TNXB: variants seen among roughly 807,000 people sequenced by gnomAD.
TNXB encodes the protein tenascin XB, also known as tenascin-X.
TNXB carries 183 observed loss-of-function variants against 340.5 expected under a neutral mutation model. The observed-to-expected ratio is 0.54, with a 90% confidence interval of 0.48 to 0.61. The LOEUF (loss-of-function observed/expected upper bound fraction) is 0.61, where lower values mean the gene tolerates loss of function less well. Ranked by LOEUF, TNXB falls within the 20% of genes least tolerant of loss-of-function variation. The pLI, the probability that TNXB is intolerant of heterozygous loss-of-function variation, is 0.00. For missense variants in TNXB, 4,613 were observed against 5,446.4 expected (o/e 0.85, Z 4.82); for synonymous variants, 2,121 against 2,314.5 (o/e 0.92, Z 2.40).
rs531109815 is a variant in TNXB at position 32,064,947 on chromosome 6, G to T, written c.6715C>A (p.Arg2239=). ...KNGDGQPKAV[R]VPGHEDGVTI... ...ACCCCATCCTCGTGTCCCGGCACCC[G>T]CACCGCCTTGGGCTGCCCGTCCCCA... The change falls in exon 19 of 44, where the codon CGG becomes AGG. Residue 2239 remains arginine (R), a synonymous_variant. Transcript: ENST00000644971. The surrounding 1 kb of genome is among the most constrained non-coding windows in gnomAD (Gnocchi z 5.3). 1.2e-5 allele frequency: 19 copies of T among 1,612,718 alleles called. No homozygotes were observed. Among genetic ancestry groups the T allele is most frequent in the Non-Finnish European group, 8.5e-6 (10 of 1,179,836 alleles).
chr6:32,046,383 G>T lies in TNXB; in HGVS notation c.10398C>A (p.Arg3466=). The T allele has an allele frequency of 1.9e-6, 3 of 1,593,578 alleles. No homozygotes were observed. Among genetic ancestry groups the T allele is most frequent in the Non-Finnish European group, 2.6e-6 (3 of 1,167,820 alleles). The part of the protein sequence containing the change: ...TVAEETSSSL[R]LSWTVAQGPF... The stretch of plus-strand genomic sequence containing the variant: ...GGCCCTGGGCTACCGTCCAGGACAG[G>T]CGCAGAGAGCTGGAGGTCTCCTCAG... The change falls in exon 31 of 44, where the codon CGC becomes CGA. Residue 3466 remains arginine (R), a synonymous_variant. Transcript: ENST00000644971. The surrounding 1 kb of genome is among the most constrained non-coding windows in gnomAD (Gnocchi z 6.9).
intron 29 of TNXB, 25 bp from the exon 30 acceptor site, chr6:32,048,037 G>A (rs1328622665): frequency 6.3e-7 from 1 of 1,594,928 alleles, no homozygotes; most frequent in Admixed American, 1.7e-5. Context: ...GAGGTGCATG[G>A]AGAGTGGGAT....
chr6:32,088,679 G>A, intron 6 of TNXB, 106 bp downstream of exon 6: 2 of 1,460,202 alleles, frequency 1.4e-6, no homozygotes, highest in Non-Finnish European at 1.8e-6. Context: ...CCACACACCT[G>A]CCAGAAGCAT....
rs977732852 is a variant in TNXB at position 32,068,721 on chromosome 6, T to A, written c.5903-14A>T. Reference sequence around the variant, plus strand: ...CCTCCTCCGGGACTGGACAGAGACATGGAAAGAGAGGACTGAGGTGGGCAG... The same window carrying A: ...CCTCCTCCGGGACTGGACAGAGACAAGGAAAGAGAGGACTGAGGTGGGCAG... On this transcript the variant is annotated splice_polypyrimidine_tract_variant and intron_variant, in intron 16 of 43. Coordinates refer to ENST00000644971, the MANE Select transcript of TNXB (RefSeq NM_001365276.2). The surrounding 1 kb of genome is among the most constrained non-coding windows in gnomAD (Gnocchi z 5.3). The A allele has an allele frequency of 2.5e-6, 4 of 1,609,402 alleles. No homozygotes were observed. Among genetic ancestry groups the A allele is most frequent in the Non-Finnish European group, 3.4e-6 (4 of 1,176,786 alleles).
In TNXB at chr6:32,075,365, C is replaced by A. The variant is rs566790967; in HGVS notation, c.4376-1413G>T. On this transcript the variant is annotated intron_variant, in intron 11 of 43. Transcript: ENST00000644971. This position sits in a 1 kb window ranked among gnomAD's most constrained non-coding sequence, Gnocchi z 4.6. ...TGCCTGCCCTCCTCCAACTCCACCA[C>A]AAAACATACTGCATTCCTCACTGTC... Among the ~76,000 whole-genome samples the A allele has an allele frequency of 6.6e-6, 1 of 152,344 alleles. No individual in the cohort carries two copies. Among genetic ancestry groups the A allele is most frequent in the South Asian group, 2.1e-4 (1 of 4,828 alleles).
In TNXB at chr6:32,068,752, C is replaced by G; in HGVS notation, c.5903-45G>C. ...GAGAGGACTGAGGTGGGCAGGGTAT[C>G]CGCGGGACTCTGCTGTCCTCTGGAC... On this transcript the variant is annotated intron_variant, in intron 16 of 43. Transcript: ENST00000644971. The surrounding 1 kb of genome is among the most constrained non-coding windows in gnomAD (Gnocchi z 5.3). 1 of 1,598,230 alleles carries G rather than the reference C, an allele frequency of 6.3e-7. No homozygotes were observed. Among genetic ancestry groups the G allele is most frequent in the Non-Finnish European group, 8.5e-7 (1 of 1,170,488 alleles).
rs1776648678 is a variant in TNXB at position 32,043,991 on chromosome 6, A to C, written c.11386+16T>G. Reference sequence around the variant, plus strand: ...AGAGGAAATGCGAGGCGATGAGCACATGGCAAAGGCACCACCTCCGTCCGC... The same window carrying C: ...AGAGGAAATGCGAGGCGATGAGCACCTGGCAAAGGCACCACCTCCGTCCGC... On this transcript the variant is annotated intron_variant, in intron 34 of 43. Transcript: ENST00000644971. The C allele has an allele frequency of 6.2e-7, 1 of 1,603,642 alleles. No individual in the cohort carries two copies. Among genetic ancestry groups the C allele is most frequent in the Non-Finnish European group, 8.5e-7 (1 of 1,175,776 alleles).
In TNXB at chr6:32,095,174, C is replaced by T. The variant is rs1562872430; in HGVS notation, c.2260G>A (p.Gly754Ser). 4 of 1,549,854 alleles carry T rather than the reference C, an allele frequency of 2.6e-6. No homozygotes were observed. The highest frequency in any genetic ancestry group is 3.5e-6 in the Non-Finnish European group (4 of 1,146,224). ...DCGEEVPTIE[G>S]MRMHLLEETT... ...TCCTCCAAGAGATGCATCCTCATGC[C>T]CTCAATGGTTGGCACCTCTGCCCAA... Residue 754 changes from glycine (G) to serine (S), a missense_variant, in exon 4 of 44, where the codon GGC becomes AGC. Physicochemically the swap from Gly to Ser is moderately conservative, Grantham distance 56 (BLOSUM62 0). Transcript: ENST00000644971.
rs1778964458 is a variant in TNXB at position 32,074,392 on chromosome 6, C to G, written c.4376-440G>C. The stretch of plus-strand genomic sequence containing the variant: ...AAAGCGCATTGATCTGAACATCTGT[C>G]TGGTCAACAGTCCTTCACTAGGTCC... On this transcript the variant is annotated intron_variant, in intron 11 of 43. Coordinates refer to ENST00000644971, the MANE Select transcript of TNXB (RefSeq NM_001365276.2). This position sits in a 1 kb window ranked among gnomAD's most constrained non-coding sequence, Gnocchi z 5.5. 6.6e-6 allele frequency among the ~76,000 whole-genome samples: 1 copy of G among 152,218 alleles called. No homozygotes were observed. The highest frequency in any genetic ancestry group is 6.5e-5 in the Admixed American group (1 of 15,276).
Position 32,085,853 on chromosome 6 carries a change from A to G in TNXB, c.3045T>C (p.Ala1015=). The G allele has an allele frequency of 6.8e-6, 11 of 1,608,196 alleles. No homozygotes were observed. The highest frequency in any genetic ancestry group is 9.3e-6 in the Non-Finnish European group (11 of 1,178,340). ...TTCCAGGAGGGGGTGGAGGCACCAG[A>G]GCCTGGCGGACGTCCCCTGGCAGCA... ...EEVLPGDVRQ[A]LVPPPPPGTP... The change falls in exon 7 of 44, where the codon GCT becomes GCC. Residue 1015 remains alanine, a synonymous_variant. Transcript: ENST00000644971. This position sits in a 1 kb window ranked among gnomAD's most constrained non-coding sequence, Gnocchi z 6.4.
rs1028528088 is a variant in TNXB, at chr6:32,041,827, T to C, written c.12577A>G (p.Arg4193Gly). The change falls in exon 43 of 44, where the codon AGG becomes GGG. Residue 4193 changes from arginine (R) to glycine (G), a missense_variant. Physicochemically the swap from Arg to Gly is moderately radical, Grantham distance 125. Coordinates refer to ENST00000644971, the MANE Select transcript of TNXB (RefSeq NM_001365276.2). ...AVSYRGAWWY[R>G]NCHYANLNGL... is the part of the protein sequence containing the mutation. ...TTGAGGTTGGCGTAGTGGCAGTTCC[T>C]GTACCACCAGGCCCCTCGGTAGGAG... 2 of 883,082 alleles carry C rather than the reference T, an allele frequency of 2.3e-6. No homozygotes were observed. The highest frequency in any genetic ancestry group is 1.8e-6 in the Non-Finnish European group (1 of 556,370). 54.7% of individuals were successfully genotyped at this position (883,082 alleles called of 1,614,324 possible). A position where few individuals can be genotyped will look rare whatever the true frequency, so the allele number is the denominator to read the frequency against.
chr6:32,060,223 T>C (rs996310853), intron 21 of TNXB, among the ~76,000 whole-genome samples: 1 of 149,946 alleles, frequency 6.7e-6, no homozygotes. Context: ...TCCCAGCTAC[T>C]CGGGAGGCTG....
At chr6:32,100,450 G>A (rs763351425) in intron 1 of TNXB, among the ~76,000 whole-genome samples, 12 of 152,134 alleles carry the variant, frequency 7.9e-5, no homozygotes, top group Non-Finnish European at 1.5e-4. Context: ...ACCATAGGCC[G>A]GGTGCAGTGG....
At position 32,087,613 on chromosome 6, in the gene TNXB, G is replaced by GGGCGGGGGT; in HGVS notation, c.2779+1163_2779+1171dup. The GGGCGGGGGT allele has an allele frequency of 2.5e-6, 1 of 394,730 alleles. No individual in the cohort carries two copies. The highest frequency in any genetic ancestry group is 5.1e-6 in the Non-Finnish European group (1 of 196,258). The allele number at this position is 394,730 out of a possible 1,614,324, so 24.5% of individuals were successfully genotyped here. A position where few individuals can be genotyped will look rare whatever the true frequency, so the allele number is the denominator to read the frequency against. ...GGTGCCGGGATCAGGGCTGGCGGTGGGGCGGGGGTGGCGGGGCGGGGGTGC... is the reference window on the plus strand; with the variant it reads ...GGTGCCGGGATCAGGGCTGGCGGTGGGGCGGGGGTGGCGGGGGTGGCGGGGCGGGGGTGC... On this transcript the variant is annotated intron_variant, in intron 6 of 43. Transcript: ENST00000644971. The surrounding 1 kb of genome is among the most constrained non-coding windows in gnomAD (Gnocchi z 9.0).
Position 32,046,144 on chromosome 6 carries a change from G to C in TNXB, c.10606+31C>G, listed in dbSNP as rs759551465. On this transcript the variant is annotated intron_variant, in intron 31 of 43. Coordinates refer to ENST00000644971, the MANE Select transcript of TNXB (RefSeq NM_001365276.2). This position sits in a 1 kb window ranked among gnomAD's most constrained non-coding sequence, Gnocchi z 6.9. ...ATGCACAAGGAAACCCACACAAGCT[G>C]GCTTGCTATAGCCAGGCACAGCAGC... 8.9e-6 allele frequency: 14 copies of C among 1,565,860 alleles called. No homozygotes were observed.
rs770116919 is a variant in TNXB, at chr6:32,062,459, G to A, written c.6866C>T (p.Ala2289Val). ...LTAPGKDEEMAPASTEPPTPE... is the reference protein window; with the variant it reads ...LTAPGKDEEMVPASTEPPTPE... ...GGTGGGAGGTTCTGTCGAGGCTGGGGCCATTTCTTCATCCTTTCCTGGGGC... is the reference window on the plus strand; with the variant it reads ...GGTGGGAGGTTCTGTCGAGGCTGGGACCATTTCTTCATCCTTTCCTGGGGC... Residue 2289 changes from alanine to valine, a missense_variant, in exon 20 of 44, where the codon GCC becomes GTC. This residue lies in a region of TNXB where 4,327 missense variants were observed against 4,859.4 expected (regional missense o/e 0.89). Transcript: ENST00000644971. The surrounding 1 kb of genome is among the most constrained non-coding windows in gnomAD (Gnocchi z 4.3). 1.2e-6 allele frequency: 2 copies of A among 1,606,762 alleles called. No individual in the cohort carries two copies. The highest frequency in any genetic ancestry group is 1.7e-6 in the Non-Finnish European group (2 of 1,175,228).
In TNXB at chr6:32,048,485, A is replaced by C; in HGVS notation, c.9923T>G (p.Val3308Gly). 3 of 1,601,752 alleles carry C rather than the reference A, an allele frequency of 1.9e-6. No homozygotes were observed. Among genetic ancestry groups the C allele is most frequent in the Non-Finnish European group, 2.6e-6 (3 of 1,174,936 alleles). The change falls in exon 29 of 44, where the codon GTG becomes GGG. Residue 3308 changes from valine (V) to glycine (G), a missense_variant. Val to Gly is a moderately radical substitution (Grantham distance 109, BLOSUM62 -3). Coordinates refer to ENST00000644971, the MANE Select transcript of TNXB (RefSeq NM_001365276.2). ...GGCGACCGCTCGGAGGTCTCCGCTC[A>C]CAGGCACTGCCTGGGGCTGCCCCTG... ...DAQGQPQAVP[V>G]SGDLRAVAVS...
At chr6:32,101,792 C>T (rs1038089928) in intron 1 of TNXB, among the ~76,000 whole-genome samples, 2 of 151,798 alleles carry the variant, frequency 1.3e-5, no homozygotes, top group African/African-American at 2.4e-5. Context: ...GGCACAATCA[C>T]AGCTCACTGC....
chr6:32,081,243 G>T lies in TNXB; in HGVS notation c.4042+125C>A. On this transcript the variant is annotated intron_variant, in intron 10 of 43. Transcript: ENST00000644971. This position sits in a 1 kb window ranked among gnomAD's most constrained non-coding sequence, Gnocchi z 5.1. ...ACAGGAGAGCAGTGCGGGAGGAAGT[G>T]GGTGGAGGCTTTGGCAAAATGAGCT... 1.1e-6 allele frequency: 1 copy of T among 910,298 alleles called. No individual in the cohort carries two copies. The highest frequency in any genetic ancestry group is 1.6e-6 in the Non-Finnish European group (1 of 607,434). The allele number at this position is 910,298 out of a possible 1,614,324, so 56.4% of individuals were successfully genotyped here. A position where few individuals can be genotyped will look rare whatever the true frequency, so the allele number is the denominator to read the frequency against.
Sources: gnomAD v4.1 joint callset for allele counts (sites outside exome capture counted in the v4.1 genomes callset) on GRCh38, gnomAD v4.1.1 for gene constraint, gnomAD v4.1.1 regional missense constraint, Gnocchi (gnomAD v3.1) non-coding constraint, MANE v1.5 for transcripts, NCBI Gene and HGNC (gene_info 2026-07-23, HGNC 2026-07-21) for gene names.